The following NEGR1 variants were observed in gnomAD, a reference collection of about 807,000 sequenced individuals.
NEGR1 encodes neuronal growth regulator 1.
A neutral mutation model predicts 40.9 loss-of-function variants in NEGR1; 10 were observed. The observed-to-expected ratio is 0.24, with a 90% CI of 0.15 to 0.42. NEGR1 has a LOEUF of 0.42. NEGR1 is among the 10% of genes least tolerant of loss of function. The pLI is 1.00. For missense variants in NEGR1, 352 were observed against 438.9 expected, an observed-to-expected ratio of 0.80 and a Z score of 1.77; for synonymous variants, 185 against 166.8, an observed-to-expected ratio of 1.11 and a Z score of -0.84.
At chr1:72,226,414 C>G (rs1338187212) in intron 1 of NEGR1, among the ~76,000 whole-genome samples, 1 of 151,952 alleles carries the variant, frequency 6.6e-6, no homozygotes. Flanking sequence ...TTATAGAGGA[C>G]ATATACCTAC....
intron 1 of NEGR1, among the ~76,000 whole-genome samples, chr1:72,251,860 C>T (rs756066494): frequency 2.6e-5 from 4 of 152,030 alleles, no homozygotes; most frequent in Admixed American, 6.5e-5. Context: ...ATTTGTTCTA[C>T]AGGGCACATT....
intron 2 of NEGR1, among the ~76,000 whole-genome samples, chr1:71,878,910 T>C (rs1293152685): frequency 1.3e-5 from 2 of 152,102 alleles, no homozygotes; most frequent in Non-Finnish European, 2.9e-5. Flanking sequence ...ATCACAAAGC[T>C]GAAAGCTTAA....
intron 6 of NEGR1, among the ~76,000 whole-genome samples, chr1:71,548,129 C>T (rs1647961226): frequency 6.6e-6 from 1 of 151,684 alleles, no homozygotes; most frequent in Non-Finnish European, 1.5e-5. Flanking sequence ...GAATTAGAAC[C>T]ACCTTGGTAA....
intron 2 of NEGR1, among the ~76,000 whole-genome samples, chr1:71,872,933 A>G (rs1660319876): frequency 6.6e-6 from 1 of 152,058 alleles, no homozygotes; most frequent in Admixed American, 6.6e-5. Context: ...TTCCTACTGA[A>G]AATGGCATAG....
chr1:71,727,765 G>T (rs541241869), intron 3 of NEGR1, among the ~76,000 whole-genome samples: 52 of 152,238 alleles, frequency 3.4e-4, no homozygotes, highest in African/African-American at 1.3e-3. Flanking sequence ...AAAGGATAAA[G>T]GTATAACACA....
intron 2 of NEGR1, among the ~76,000 whole-genome samples, chr1:71,785,459 A>C (rs978139072): frequency 6.6e-6 from 1 of 151,752 alleles, no homozygotes; most frequent in Non-Finnish European, 1.5e-5. Context: ...TTTTTCCTGG[A>C]AACAATTTGG....
intron 5 of NEGR1, among the ~76,000 whole-genome samples, chr1:71,602,462 G>A (rs1337642976): frequency 1.3e-5 from 2 of 149,806 alleles, no homozygotes; most frequent in South Asian, 2.1e-4. Flanking sequence ...CGTTTTAGCC[G>A]GGATGGTCTC....
intron 1 of NEGR1, among the ~76,000 whole-genome samples, chr1:71,972,659 T>C (rs931892893): frequency 6.6e-6 from 1 of 152,192 alleles, no homozygotes; most frequent in Non-Finnish European, 1.5e-5. Flanking sequence ...GCTACGATTT[T>C]ATTTCCTGCC....
intron 1 of NEGR1, among the ~76,000 whole-genome samples, chr1:71,946,368 T>A (rs1646019115): frequency 6.6e-6 from 1 of 152,168 alleles, no homozygotes; most frequent in Non-Finnish European, 1.5e-5. Context: ...CTTTGAACTC[T>A]CAAAAATTGC....
intron 4 of NEGR1, among the ~76,000 whole-genome samples, chr1:71,695,497 C>G (rs1227496648): frequency 6.6e-6 from 1 of 151,654 alleles, no homozygotes; most frequent in African/African-American, 2.4e-5. Context: ...AAAGCACTTC[C>G]CTACTGTTTT....
intron 1 of NEGR1, among the ~76,000 whole-genome samples, chr1:72,128,030 A>C (rs905067776): frequency 6.6e-6 from 1 of 152,164 alleles, no homozygotes; most frequent in African/African-American, 2.4e-5. Context: ...AAGTCTCTAA[A>C]ATGAAAATAA....
intron 2 of NEGR1, among the ~76,000 whole-genome samples, chr1:71,924,311 G>A (rs1645751031): frequency 6.6e-6 from 1 of 152,198 alleles, no homozygotes; most frequent in Non-Finnish European, 1.5e-5. Context: ...ATTTAGCAAA[G>A]TTATTTGCAC....
chr1:71,711,945 A>C (rs1474380527), intron 3 of NEGR1, among the ~76,000 whole-genome samples: 1 of 152,236 alleles, frequency 6.6e-6, no homozygotes, highest in East Asian at 1.9e-4. Context: ...TGTATGATTT[A>C]ATTTATTTAA....
chr1:71,539,325 A>T (rs960902269), intron 6 of NEGR1, among the ~76,000 whole-genome samples: 2 of 151,678 alleles, frequency 1.3e-5, no homozygotes, highest in African/African-American at 2.4e-5. Context: ...CTTAAAAGTA[A>T]TTTTTTTCCC....
At chr1:71,994,100 C>T (rs911916074) in intron 1 of NEGR1, among the ~76,000 whole-genome samples, 1 of 152,166 alleles carries the variant, frequency 6.6e-6, no homozygotes, top group Admixed American at 6.5e-5. Flanking sequence ...TTCATGAGGC[C>T]TGCCTTTTAG....
chr1:71,577,829 A>G (rs559283818), intron 6 of NEGR1, among the ~76,000 whole-genome samples: 44 of 152,152 alleles, frequency 2.9e-4, no homozygotes, highest in Non-Finnish European at 5.3e-4. Context: ...CTATTGTTAA[A>G]TCACAAAAGA....
intron 6 of NEGR1, among the ~76,000 whole-genome samples, chr1:71,425,034 A>G (rs936901820): frequency 6.6e-6 from 1 of 152,208 alleles, no homozygotes; most frequent in Admixed American, 6.5e-5. Context: ...AATGCAAGTT[A>G]ACAATCTGTT....
intron 1 of NEGR1, among the ~76,000 whole-genome samples, chr1:71,944,289 T>C (rs1645998373): frequency 6.6e-6 from 1 of 152,110 alleles, no homozygotes; most frequent in South Asian, 2.1e-4. Context: ...GCAGGAGGTG[T>C]TTAAAATAGC....
intron 6 of NEGR1, among the ~76,000 whole-genome samples, chr1:71,464,070 G>A (rs1208682168): frequency 5.3e-5 from 8 of 152,094 alleles, no homozygotes; most frequent in African/African-American, 1.9e-4. Context: ...TGGATTTAGT[G>A]ACATCTGCAA....
Sources: allele counts gnomAD v4.1 joint callset (sites outside exome capture counted in the v4.1 genomes callset), GRCh38; gene constraint gnomAD v4.1.1; transcripts MANE v1.5; gene names NCBI Gene and HGNC (gene_info 2026-07-23, HGNC 2026-07-21).